Variants in ZFHX4 observed in about 807,000 individuals in gnomAD.
The protein encoded by ZFHX4 is zinc finger homeobox protein 4.
In ZFHX4, 56 loss-of-function variants were observed where a neutral mutation model predicts 267.6. The observed-to-expected ratio is 0.21, with a 90% CI of 0.17 to 0.26. The LOEUF (loss-of-function observed/expected upper bound fraction) is 0.26, where lower values mean the gene tolerates loss of function less well. Ranked by LOEUF, ZFHX4 falls within the 10% of genes least tolerant of loss-of-function variation. ZFHX4 has a pLI of 1.00. For missense variants in ZFHX4, 4,332 were observed against 4,420.0 expected, an observed-to-expected ratio of 0.98 and a Z score of 0.56; for synonymous variants, 1,778 against 1,665.6, an observed-to-expected ratio of 1.07 and a Z score of -1.64.
intron 3 of ZFHX4, among the ~76,000 whole-genome samples, chr8:76,736,270 C>T (rs867540896): frequency 2.6e-5 from 4 of 151,286 alleles, no homozygotes; most frequent in African/African-American, 7.3e-5. Context: ...GCTGTTAAGT[C>T]AAGCCTTGAA....
At position 76,705,590 on chromosome 8, in the gene ZFHX4, C is replaced by G; in HGVS notation, c.1502C>G (p.Pro501Arg). ...LTDSIGNKDF[P>R]LLNQSISPLS... ...GATAGTATTGGTAACAAAGATTTCCCTCTCTTAAACCAAAGCATTTCTCCT... is the reference window on the plus strand; with the variant it reads ...GATAGTATTGGTAACAAAGATTTCCGTCTCTTAAACCAAAGCATTTCTCCT... Residue 501 changes from proline to arginine, a missense_variant, in exon 2 of 11, where the codon CCT becomes CGT. Around this residue, in one of 7 missense-constraint regions of ZFHX4, gnomAD observed 1,195 missense variants for 1,173.6 expected, o/e 1.02. Coordinates refer to ENST00000651372, the MANE Select transcript of ZFHX4 (RefSeq NM_024721.5). 3.7e-6 allele frequency: 6 copies of G among 1,613,634 alleles called. No individual in the cohort carries two copies. The highest frequency in any genetic ancestry group is 5.1e-6 in the Non-Finnish European group (6 of 1,179,706).
intron 4 of ZFHX4, among the ~76,000 whole-genome samples, chr8:76,805,108 G>A (rs1811213132): frequency 6.6e-6 from 1 of 152,074 alleles, no homozygotes; most frequent in African/African-American, 2.4e-5. Flanking sequence ...GCATACAAGG[G>A]TAAGAAAGTA....
intron 1 of ZFHX4, among the ~76,000 whole-genome samples, chr8:76,702,096 T>C (rs1025847345): frequency 6.6e-6 from 1 of 152,172 alleles, no homozygotes; most frequent in Non-Finnish European, 1.5e-5. Flanking sequence ...TAGAAAATTA[T>C]TAGGTTTTCT....
At chr8:76,774,453 T>C (rs1810352761) in intron 3 of ZFHX4, among the ~76,000 whole-genome samples, 2 of 152,198 alleles carry the variant, frequency 1.3e-5, no homozygotes, top group East Asian at 1.9e-4. Flanking sequence ...TACTCTAATT[T>C]AGATGTTTTC....
chr8:76,860,141 G>A (rs1812829630), intron 10 of ZFHX4, among the ~76,000 whole-genome samples: 1 of 151,848 alleles, frequency 6.6e-6, no homozygotes, highest in Non-Finnish European at 1.5e-5. Context: ...CTCTATTTCT[G>A]GTTTTCTGGC....
intron 4 of ZFHX4, among the ~76,000 whole-genome samples, chr8:76,811,992 A>T (rs761361584): frequency 1.3e-5 from 2 of 152,254 alleles, no homozygotes; most frequent in Non-Finnish European, 2.9e-5. Context: ...AGAAAACCCT[A>T]TCAAGGTCAA....
Position 76,854,592 on chromosome 8 carries a change from T to C in ZFHX4, c.7671T>C (p.Thr2557=). 1.2e-6 allele frequency: 2 copies of C among 1,613,426 alleles called. No individual in the cohort carries two copies. The highest frequency in any genetic ancestry group is 1.7e-6 in the Non-Finnish European group (2 of 1,179,798). Reference sequence around the variant, plus strand: ...GACAACTGCTGGGCAGTTCCCTCACTCAAATGCCCCCTCAGGCCAGTTCCT... The same window carrying C: ...GACAACTGCTGGGCAGTTCCCTCACCCAAATGCCCCCTCAGGCCAGTTCCT... The part of the protein sequence containing the change: ...MTGQLLGSSL[T]QMPPQASSSH... Residue 2557 remains threonine, a synonymous_variant, in exon 10 of 11, where the codon ACT becomes ACC. Transcript: ENST00000651372.
chr8:76,750,855 T>A (rs1809595750), intron 3 of ZFHX4, among the ~76,000 whole-genome samples: 1 of 152,116 alleles, frequency 6.6e-6, no homozygotes, highest in Admixed American at 6.6e-5. Flanking sequence ...TAAACTTCAT[T>A]TTGAAATTAA....
chr8:76,849,838 G>A (rs993584846), intron 8 of ZFHX4, 126 bp downstream of exon 8: 24 of 1,066,950 alleles, frequency 2.2e-5, no homozygotes, highest in South Asian at 1.1e-4. Flanking sequence ...GTTATTGCTC[G>A]TGTTATAGTA....
rs1244348437 is a variant in ZFHX4, at chr8:76,704,584, T to C, written c.496T>C (p.Phe166Leu). 1 of 1,613,964 alleles carries C rather than the reference T, an allele frequency of 6.2e-7. No homozygotes were observed. Among genetic ancestry groups the C allele is most frequent in the Admixed American group, 1.7e-5 (1 of 60,014 alleles). The change falls in exon 2 of 11, where the codon TTC becomes CTC. Residue 166 changes from phenylalanine to leucine, a missense_variant. Physicochemically the swap from Phe to Leu is conservative, Grantham distance 22 (BLOSUM62 0). This residue lies in a region of ZFHX4 where 1,195 missense variants were observed against 1,173.6 expected (regional missense o/e 1.02). Transcript: ENST00000651372. ...TAGCAAACTCTTTTCTACAGCGATG[T>C]TCCTGGACTCCCTGGCATCTGCTGG... ...ANSKLFSTAM[F>L]LDSLASAGEK... is the part of the protein sequence containing the mutation.
At chr8:76,777,545 A>C (rs531224022) in intron 3 of ZFHX4, among the ~76,000 whole-genome samples, 1 of 152,186 alleles carries the variant, frequency 6.6e-6, no homozygotes, top group East Asian at 1.9e-4. Context: ...AGTTTATTCC[A>C]TGCATGCAGA....
In ZFHX4 at chr8:76,854,341, C is replaced by T. The variant is rs1812643372; in HGVS notation, c.7420C>T (p.Pro2474Ser). 1 of 1,613,752 alleles carries T rather than the reference C, an allele frequency of 6.2e-7. No homozygotes were observed. Among genetic ancestry groups the T allele is most frequent in the Non-Finnish European group, 8.5e-7 (1 of 1,179,880 alleles). The change falls in exon 10 of 11, where the codon CCA becomes TCA. Residue 2474 changes from proline to serine, a missense_variant. By Grantham distance (74) the Pro-to-Ser change is moderately conservative. Coordinates refer to ENST00000651372, the MANE Select transcript of ZFHX4 (RefSeq NM_024721.5). ...SASQTPVPSSPLQISMTSLQN... is the reference protein window; with the variant it reads ...SASQTPVPSSSLQISMTSLQN... ...CTCTCAAACACCGGTCCCTTCCAGT[C>T]CACTGCAAATTTCCATGACGTCTCT...
Position 76,856,175 on chromosome 8 carries a change from A to G in ZFHX4, c.9254A>G (p.Asp3085Gly). The change falls in exon 10 of 11, where the codon GAC (aspartate) becomes GGC (glycine). Residue 3085 changes from aspartate (D) to glycine (G), a missense_variant. By Grantham distance (94) the Asp-to-Gly change is moderately conservative. Transcript: ENST00000651372. ...ACGGTACAGCAGCCAGGCATGATGG[A>G]CAGCAGTTCTCTCCACGGCATCAGC... Reference protein sequence around the residue: ...GLTVQQPGMMDSSSLHGISLP... With the variant: ...GLTVQQPGMMGSSSLHGISLP... 1 of 1,613,976 alleles carries G rather than the reference A, an allele frequency of 6.2e-7. No homozygotes were observed. Among genetic ancestry groups the G allele is most frequent in the Admixed American group, 1.7e-5 (1 of 60,026 alleles).
In ZFHX4 at chr8:76,851,743, T is replaced by A. The variant is rs536010172; in HGVS notation, c.4822T>A (p.Leu1608Met). 6.2e-7 allele frequency: 1 copy of A among 1,613,930 alleles called. No homozygotes were observed. Among genetic ancestry groups the A allele is most frequent in the Non-Finnish European group, 8.5e-7 (1 of 1,179,884 alleles). Residue 1608 changes from leucine to methionine, a missense_variant, in exon 10 of 11, where the codon TTG becomes ATG. By Grantham distance (15) the Leu-to-Met change is conservative (BLOSUM62 2). This residue lies in a region of ZFHX4 where 1,371 missense variants were observed against 1,423.1 expected (regional missense o/e 0.96). Coordinates refer to ENST00000651372, the MANE Select transcript of ZFHX4 (RefSeq NM_024721.5). ...TGTTGCATACAGCCAAAGCTCAACATTGGAAATCCACATGAGGTCTGTGCT... is the reference window on the plus strand; with the variant it reads ...TGTTGCATACAGCCAAAGCTCAACAATGGAAATCCACATGAGGTCTGTGCT... ...CNVAYSQSSTLEIHMRSVLHQ... is the reference protein window; with the variant it reads ...CNVAYSQSSTMEIHMRSVLHQ...
intron 3 of ZFHX4, among the ~76,000 whole-genome samples, chr8:76,709,611 T>A (rs932136494): frequency 7.9e-5 from 12 of 152,200 alleles, no homozygotes; most frequent in African/African-American, 2.4e-4. Flanking sequence ...TTTATATTCA[T>A]GCAGCTCCTC....
chr8:76,729,781 G>A lies in ZFHX4; in HGVS notation c.3093+21733G>A, dbSNP rs1353147645. Among the ~76,000 whole-genome samples, 4 of 152,182 alleles carry A rather than the reference G, an allele frequency of 2.6e-5. No individual in the cohort carries two copies. In the East Asian group the frequency reaches 7.7e-4, roughly 29 times the overall value. ...CTTTCACCCCAAAAGACATATAACA[G>A]ATTGAAAAGCTCCAGACCAGGGTAA... On this transcript the variant is annotated intron_variant, in intron 3 of 10. Coordinates refer to ENST00000651372, the MANE Select transcript of ZFHX4 (RefSeq NM_024721.5).
intron 4 of ZFHX4, among the ~76,000 whole-genome samples, chr8:76,797,069 A>G (rs756707840): frequency 6.6e-6 from 1 of 152,086 alleles, no homozygotes; most frequent in Non-Finnish European, 1.5e-5. Flanking sequence ...CAGCATCTCC[A>G]TCATGGAGGC....
At chr8:76,828,561 A>G (rs867093053) in intron 4 of ZFHX4, among the ~76,000 whole-genome samples, 1 of 152,228 alleles carries the variant, frequency 6.6e-6, no homozygotes, top group East Asian at 1.9e-4. Flanking sequence ...TCCAAAAATG[A>G]TCATTAGTTT....
In ZFHX4 at chr8:76,705,571, A is replaced by G; in HGVS notation, c.1483A>G (p.Ile495Val). ...AGTATTAGGTGAACTCACCGATAGT[A>G]TTGGTAACAAAGATTTCCCTCTCTT... ...EEVLGELTDS[I>V]GNKDFPLLNQ... The change falls in exon 2 of 11, where the codon ATT (isoleucine) becomes GTT (valine). Residue 495 changes from isoleucine (I) to valine (V), a missense_variant. Coordinates refer to ENST00000651372, the MANE Select transcript of ZFHX4 (RefSeq NM_024721.5). 1 of 1,613,720 alleles carries G rather than the reference A, an allele frequency of 6.2e-7. No homozygotes were observed. Among genetic ancestry groups the G allele is most frequent in the Non-Finnish European group, 8.5e-7 (1 of 1,179,750 alleles).
Sources: gnomAD v4.1 joint callset for allele counts (sites outside exome capture counted in the v4.1 genomes callset) on GRCh38, gnomAD v4.1.1 for gene constraint, gnomAD v4.1.1 regional missense constraint, MANE v1.5 for transcripts, NCBI Gene and HGNC (gene_info 2026-07-23, HGNC 2026-07-21) for gene names.